Variants in IFT74 observed in about 807,000 individuals in gnomAD.
IFT74 encodes intraflagellar transport protein 74 homolog.
A neutral mutation model predicts 96.7 loss-of-function variants in IFT74; 92 were observed. The ratio of observed to expected loss-of-function variants is 0.95; its 90% CI spans 0.80 to 1.13. The LOEUF (loss-of-function observed/expected upper bound fraction) is 1.13, where lower values mean the gene tolerates loss of function less well. Ranked by LOEUF, IFT74 falls within the 50% of genes most tolerant of loss-of-function variation. The pLI, the probability that IFT74 is intolerant of heterozygous loss-of-function variation, is 0.00. For synonymous variants in IFT74, 223 were observed against 213.2 expected (o/e 1.05, Z -0.40); for missense variants, 811 against 698.2 (o/e 1.16, Z -1.82).
At chr9:27,055,047 G>A (rs1820100426) in intron 16 of IFT74, among the ~76,000 whole-genome samples, 1 of 152,150 alleles carries the variant, frequency 6.6e-6, no homozygotes, top group Non-Finnish European at 1.5e-5. Flanking sequence ...CATAAAGCAA[G>A]ATTATGTATT....
chr9:27,040,544 C>CAAAAAAAAAAAAAAAAAAAAAA (rs751893169), intron 13 of IFT74, among the ~76,000 whole-genome samples: 2 of 62,072 alleles, frequency 3.2e-5, no homozygotes, highest in African/African-American at 1.1e-4. Flanking sequence ...GACACTGTCT[C>CAAAAAAAAAAAAAAAAAAAAAA]AAAAAAAAAA....
chr9:26,971,756 T>G (rs1826888323), intron 2 of IFT74, among the ~76,000 whole-genome samples: 1 of 152,178 alleles, frequency 6.6e-6, no homozygotes, highest in Non-Finnish European at 1.5e-5. Context: ...CAATTAGTTC[T>G]TTTTGGACCA....
chr9:26,990,161 CAA>C lies in IFT74; in HGVS notation c.555_556del (p.Ser186PhefsTer7). 2 of 1,495,272 alleles carry C rather than the reference CAA, an allele frequency of 1.3e-6. No homozygotes were observed. Among genetic ancestry groups the C allele is most frequent in the Non-Finnish European group, 1.8e-6 (2 of 1,123,188 alleles). 92.6% of individuals were successfully genotyped at this position (1,495,272 alleles called of 1,614,324 possible). Reference protein sequence around the residue: ...MLKAQNDRETQSLDVIFTERQ... With the variant: ...MLKAQNDRETXSLDVIFTERQ... ...TAAAGCTCAAAATGATCGAGAAACA[CAA>C]AGTTTGGATGTCATATTTACTGAAA... On this transcript the variant is annotated frameshift_variant, in exon 8 of 20. Coordinates refer to ENST00000380062, the MANE Select transcript of IFT74 (RefSeq NM_025103.4). LOFTEE classifies it high-confidence loss of function.
At chr9:26,977,645 C>A (rs749724458) in intron 2 of IFT74, among the ~76,000 whole-genome samples, 1 of 152,054 alleles carries the variant, frequency 6.6e-6, no homozygotes, top group Non-Finnish European at 1.5e-5. Context: ...TGTGCCACCA[C>A]GCCTGGATAA....
chr9:27,054,641 C>T (rs1229141926), intron 16 of IFT74, among the ~76,000 whole-genome samples: 1 of 152,132 alleles, frequency 6.6e-6, no homozygotes, highest in Non-Finnish European at 1.5e-5. Context: ...TTTGTACCCC[C>T]CAAATCAATC....
At chr9:27,031,732 TAAATAAAATA>T (rs199561580) in intron 13 of IFT74, among the ~76,000 whole-genome samples, 4,761 of 127,906 alleles carry the variant, frequency 0.037, 115 homozygotes, top group South Asian at 0.085. Flanking sequence ...AATAAAATAA[TAAATAAAATA>T]AAATAAAATA....
chr9:26,950,051 G>A (rs899925509), intron 1 of IFT74, among the ~76,000 whole-genome samples: 12 of 152,182 alleles, frequency 7.9e-5, no homozygotes, highest in African/African-American at 2.7e-4. Flanking sequence ...GGTGGCTCAC[G>A]CCTGTAATCC....
intron 8 of IFT74, among the ~76,000 whole-genome samples, chr9:26,997,244 CT>C (rs1173669261): frequency 1.3e-5 from 2 of 151,482 alleles, no homozygotes; most frequent in South Asian, 2.1e-4. Context: ...ATTTTTCCCC[CT>C]GGTAATGGGG....
At chr9:26,960,233 C>T (rs1203496618) in intron 1 of IFT74, among the ~76,000 whole-genome samples, 1 of 152,008 alleles carries the variant, frequency 6.6e-6, no homozygotes, top group Non-Finnish European at 1.5e-5. Context: ...TTTTCAGTCT[C>T]TCATACTAGA....
intron 8 of IFT74, chr9:26,996,368 G>GA: frequency 6.2e-7 from 1 of 1,608,274 alleles, no homozygotes; most frequent in Non-Finnish European, 8.5e-7. Context: ...CTGATGGGCT[G>GA]AAAATGAATA....
chr9:27,060,777 TGAA>T, intron 19 of IFT74, 126 bp downstream of exon 19: 1 of 531,020 alleles, frequency 1.9e-6, no homozygotes, highest in East Asian at 3.2e-5. Context: ...GCTAACACGG[TGAA>T]ACCCCATCTC....
At chr9:26,987,246 G>A (rs1827680140) in intron 6 of IFT74, among the ~76,000 whole-genome samples, 1 of 151,936 alleles carries the variant, frequency 6.6e-6, no homozygotes, top group South Asian at 2.1e-4. Context: ...TGGGATTACA[G>A]GTGCCTGGGT....
intron 8 of IFT74, among the ~76,000 whole-genome samples, chr9:27,002,406 C>G (rs1828546544): frequency 6.6e-6 from 1 of 152,210 alleles, no homozygotes; most frequent in Admixed American, 6.5e-5. Context: ...CCAGTGTTTT[C>G]TTGAAACAGT....
chr9:27,044,626 G>A lies in IFT74; in HGVS notation c.1055-116G>A, dbSNP rs147476618. 2,479 of 592,582 alleles carry A rather than the reference G, an allele frequency of 4.2e-3. 12 individuals are homozygous for A. The highest frequency in any genetic ancestry group is 5.1e-3 in the Non-Finnish European group (1,712 of 332,506). The allele number at this position is 592,582 out of a possible 1,614,324, so 36.7% of individuals were successfully genotyped here. A position where few individuals can be genotyped will look rare whatever the true frequency, so the allele number is the denominator to read the frequency against. On this transcript the variant is annotated intron_variant, in intron 13 of 19. Coordinates refer to ENST00000380062, the MANE Select transcript of IFT74 (RefSeq NM_025103.4). Reference sequence around the variant, plus strand: ...CATTGTAAAAGAATTTCACCTAATCGAACACGTCGAATAGTCAATGACTAA... The same window carrying A: ...CATTGTAAAAGAATTTCACCTAATCAAACACGTCGAATAGTCAATGACTAA...
chr9:26,947,130 G>T, exon 1 of IFT74: 1 of 1,383,986 alleles, frequency 7.2e-7, no homozygotes, highest in South Asian at 1.6e-5. Flanking sequence ...GGGCCGCGGC[G>T]GGAGAAGAGC....
At chr9:27,058,397 C>A (rs1025757377) in intron 18 of IFT74, among the ~76,000 whole-genome samples, 1 of 150,942 alleles carries the variant, frequency 6.6e-6, no homozygotes, top group African/African-American at 2.4e-5. Context: ...CCTTTTTTTT[C>A]TTTTTGAGAC....
intron 15 of IFT74, among the ~76,000 whole-genome samples, chr9:27,047,824 A>C (rs1316855718): frequency 6.6e-6 from 1 of 152,206 alleles, no homozygotes; most frequent in Non-Finnish European, 1.5e-5. Context: ...TTTATTGGGC[A>C]TCTATTATGA....
chr9:27,065,859 T>G lies in IFT74; in HGVS notation c.*3123T>G, dbSNP rs1050997002. ...TAGTAATCTATTTTTAAATTGATATTGTGTCTCATTTTTGTATAACTTTTG... is the reference window on the plus strand; with the variant it reads ...TAGTAATCTATTTTTAAATTGATATGGTGTCTCATTTTTGTATAACTTTTG... On this transcript the variant is annotated 3_prime_UTR_variant, in exon 20 of 20. Transcript: ENST00000380062. Among the ~76,000 whole-genome samples the G allele has an allele frequency of 6.6e-6, 1 of 152,224 alleles. No individual in the cohort carries two copies. Among genetic ancestry groups the G allele is most frequent in the Non-Finnish European group, 1.5e-5 (1 of 68,030 alleles).
chr9:26,997,311 A>C (rs1828210710), intron 8 of IFT74, among the ~76,000 whole-genome samples: 1 of 150,948 alleles, frequency 6.6e-6, no homozygotes, highest in African/African-American at 2.4e-5. Context: ...TTTTGCTTAA[A>C]CAGAAATTGT....
Sources: allele counts gnomAD v4.1 joint callset (sites outside exome capture counted in the v4.1 genomes callset), GRCh38; gene constraint gnomAD v4.1.1; transcripts MANE v1.5; gene names NCBI Gene and HGNC (gene_info 2026-07-23, HGNC 2026-07-21).